STK38L: variants seen among roughly 807,000 people sequenced by gnomAD.
The protein encoded by STK38L is serine/threonine-protein kinase 38-like.
Under a neutral mutation model 59.7 loss-of-function variants are expected in STK38L, and 28 were observed. The observed-to-expected ratio is 0.47, with a 90% CI of 0.35 to 0.64. The LOEUF is 0.64. Ranked by LOEUF, STK38L falls within the 30% of genes least tolerant of loss-of-function variation. The probability of loss-of-function intolerance (pLI) is 0.01; values close to 1 mark genes in which losing one functional copy is unlikely to be tolerated. For synonymous variants in STK38L, 162 were observed against 176.8 expected (o/e 0.92, Z 0.66); for missense variants, 314 against 555.8 (o/e 0.56, Z 4.37).
chr12:27,251,240 A>G (rs751300188), intron 1 of STK38L, among the ~76,000 whole-genome samples: 4 of 152,128 alleles, frequency 2.6e-5, no homozygotes, highest in Admixed American at 2.0e-4. Flanking sequence ...GAAATAATTC[A>G]ATTGTATTCT....
chr12:27,269,174 T>C (rs1272209909), intron 1 of STK38L, among the ~76,000 whole-genome samples: 1 of 152,204 alleles, frequency 6.6e-6, no homozygotes, highest in East Asian at 1.9e-4. Flanking sequence ...TTTTGGTGTT[T>C]TAGACATGAA....
At chr12:27,270,458 A>C (rs1032468710) in intron 1 of STK38L, among the ~76,000 whole-genome samples, 5 of 151,930 alleles carry the variant, frequency 3.3e-5, no homozygotes, top group African/African-American at 1.2e-4. Context: ...GCTCACTGCA[A>C]CCTCCACCTC....
intron 1 of STK38L, among the ~76,000 whole-genome samples, chr12:27,261,425 C>G (rs1339049312): frequency 6.6e-6 from 1 of 152,182 alleles, no homozygotes; most frequent in Non-Finnish European, 1.5e-5. Flanking sequence ...AGTTTTCTTT[C>G]TTTGTTTAAT....
intron 1 of STK38L, among the ~76,000 whole-genome samples, chr12:27,268,981 G>A (rs1348236555): frequency 6.6e-6 from 1 of 152,086 alleles, no homozygotes; most frequent in Non-Finnish European, 1.5e-5. Flanking sequence ...TTTTTTTCTT[G>A]TAAATTTGTT....
chr12:27,302,379 G>C (rs1418523373), intron 3 of STK38L, 191 bp downstream of exon 3: 7 of 409,884 alleles, frequency 1.7e-5, no homozygotes, highest in East Asian at 1.6e-4. Flanking sequence ...TAAATTCCAA[G>C]AACACGTATT....
chr12:27,259,904 G>A (rs1460810627), intron 1 of STK38L, among the ~76,000 whole-genome samples: 2 of 152,082 alleles, frequency 1.3e-5, no homozygotes, highest in Non-Finnish European at 1.5e-5. Flanking sequence ...TGAGTTCATT[G>A]AAGAGCTCTT....
At chr12:27,265,874 G>A (rs1456757969) in intron 1 of STK38L, among the ~76,000 whole-genome samples, 1 of 152,142 alleles carries the variant, frequency 6.6e-6, no homozygotes, top group African/African-American at 2.4e-5. Context: ...TATTGATGCT[G>A]ATAAAAATAA....
At chr12:27,303,724 A>T (rs942473915) in intron 3 of STK38L, among the ~76,000 whole-genome samples, 8 of 152,198 alleles carry the variant, frequency 5.3e-5, no homozygotes, top group African/African-American at 1.9e-4. Context: ...AAAATGTTTC[A>T]TAGAAGAAGT....
At chr12:27,265,293 C>T (rs1391601709) in intron 1 of STK38L, among the ~76,000 whole-genome samples, 3 of 152,048 alleles carry the variant, frequency 2.0e-5, no homozygotes, top group South Asian at 2.1e-4. Context: ...TGTATAGGAT[C>T]GTGCACTATA....
At chr12:27,277,235 T>G (rs1397502507) in intron 1 of STK38L, among the ~76,000 whole-genome samples, 1 of 114,980 alleles carries the variant, frequency 8.7e-6, no homozygotes, top group Non-Finnish European at 2.2e-5. Flanking sequence ...TACGAGTAAT[T>G]ACTCGTACTT....
intron 1 of STK38L, among the ~76,000 whole-genome samples, chr12:27,287,914 G>A (rs1205626465): frequency 1.3e-5 from 2 of 152,094 alleles, no homozygotes; most frequent in African/African-American, 4.8e-5. Context: ...ACAGAGTCTC[G>A]CTCTGTCATC....
At chr12:27,284,116 G>C (rs1180198945) in intron 1 of STK38L, among the ~76,000 whole-genome samples, 2 of 152,234 alleles carry the variant, frequency 1.3e-5, no homozygotes, top group Non-Finnish European at 1.5e-5. Context: ...ATCGGTAATT[G>C]TGAGATAGGA....
chr12:27,294,348 C>T (rs1943961512), intron 1 of STK38L, among the ~76,000 whole-genome samples: 1 of 151,834 alleles, frequency 6.6e-6, no homozygotes, highest in African/African-American at 2.4e-5. Flanking sequence ...GGTGAAACCC[C>T]ATCTCTACTA....
chr12:27,310,514 CTGG>C (rs1225435411), intron 5 of STK38L, among the ~76,000 whole-genome samples: 1 of 151,566 alleles, frequency 6.6e-6, no homozygotes, highest in Non-Finnish European at 1.5e-5. Context: ...CATGTGGCTA[CTGG>C]GCACAAATTG....
chr12:27,290,448 G>T (rs1236477904), intron 1 of STK38L, among the ~76,000 whole-genome samples: 1 of 152,136 alleles, frequency 6.6e-6, no homozygotes, highest in Non-Finnish European at 1.5e-5. Context: ...ACTCAGACAG[G>T]ATCAGCCTTA....
chr12:27,302,186 G>A lies in STK38L; in HGVS notation c.184G>A (p.Glu62Lys), dbSNP rs776310727. ...AMEEEGLADEEKKLRRSQHAR... is the reference protein window; with the variant it reads ...AMEEEGLADEKKKLRRSQHAR... The stretch of plus-strand genomic sequence containing the variant: ...GGAAGAAGAAGGATTAGCAGATGAA[G>A]AGGTAATGTAATTACCTATAATTAC... The change falls in exon 3 of 14, where the codon GAG becomes AAG. Residue 62 changes from glutamate to lysine, a missense_variant and splice_region_variant. This residue lies in a region of STK38L where 192 missense variants were observed against 316.9 expected (regional missense o/e 0.61). Transcript: ENST00000389032. The A allele has an allele frequency of 1.9e-6, 3 of 1,606,252 alleles. No homozygotes were observed. The highest frequency in any genetic ancestry group is 2.6e-6 in the Non-Finnish European group (3 of 1,176,364).
At chr12:27,309,614 CTCT>C (rs2136646056) in intron 5 of STK38L, among the ~76,000 whole-genome samples, 1 of 152,256 alleles carries the variant, frequency 6.6e-6, no homozygotes, top group East Asian at 1.9e-4. Context: ...TCTCTGGTGT[CTCT>C]TCTTATAAGG....
intron 10 of STK38L, 85 bp downstream of exon 10, chr12:27,317,538 A>G: frequency 3.6e-6 from 4 of 1,100,228 alleles, no homozygotes; most frequent in Non-Finnish European, 5.3e-6. Context: ...ATCATTGACT[A>G]AAATATTTGA....
At position 27,250,883 on chromosome 12, in the gene STK38L, C is replaced by T. The variant is rs559877883; in HGVS notation, c.-12+6551C>T. On this transcript the variant is annotated intron_variant, in intron 1 of 13. Transcript: ENST00000389032. ...GCGTGGTGGCGGGCACCTGTAGTCC[C>T]AGCTGCTCAGGAGGCTGAGGCAGGA... is the stretch of plus-strand genomic sequence containing the variant. Among the ~76,000 whole-genome samples, 349 of 151,800 alleles carry T rather than the reference C, an allele frequency of 2.3e-3. 1 individual carries two copies. The highest frequency in any genetic ancestry group is 8.3e-3 in the African/African-American group (344 of 41,348).
Sources: allele counts gnomAD v4.1 joint callset (sites outside exome capture counted in the v4.1 genomes callset), GRCh38; gene constraint gnomAD v4.1.1; regional missense constraint gnomAD v4.1.1; transcripts MANE v1.5; gene names NCBI Gene and HGNC (gene_info 2026-07-23, HGNC 2026-07-21).